The following EPS8 variants were observed in gnomAD, a reference collection of about 807,000 sequenced individuals.
EPS8 encodes the protein epidermal growth factor receptor kinase substrate 8.
EPS8 carries 42 observed loss-of-function variants against 103.8 expected under a neutral mutation model. The observed-to-expected ratio is 0.40, with a 90% CI of 0.32 to 0.52. EPS8 has a LOEUF of 0.52. Among genes scored for constraint, EPS8 ranks in the 20% least tolerant of loss-of-function variants. The pLI is 0.40. For missense variants in EPS8, 969 were observed against 1,005.1 expected, an observed-to-expected ratio of 0.96 and a Z score of 0.49; for synonymous variants, 344 against 344.6, an observed-to-expected ratio of 1.00 and a Z score of 0.02.
At position 15,731,556 on chromosome 12, in the gene EPS8, C is replaced by G. The variant is rs949447737; in HGVS notation, c.-21-48584G>C. Among the ~76,000 whole-genome samples the G allele has an allele frequency of 6.6e-6, 1 of 152,148 alleles. No individual in the cohort carries two copies. Among genetic ancestry groups the G allele is most frequent in the Non-Finnish European group, 1.5e-5 (1 of 68,024 alleles). ...CAGGTGATCCACCCACCTTGGCATC[C>G]CAAAGTGCTGGGATTATAGGCATGA... is the stretch of plus-strand genomic sequence containing the variant. On this transcript the variant is annotated intron_variant, in intron 1 of 20. Transcript: ENST00000281172. This position sits in a 1 kb window ranked among gnomAD's most constrained non-coding sequence, Gnocchi z 5.1.
intron 3 of EPS8, among the ~76,000 whole-genome samples, chr12:15,672,716 T>C (rs1325727938): frequency 6.6e-6 from 1 of 152,238 alleles, no homozygotes; most frequent in Non-Finnish European, 1.5e-5. Flanking sequence ...GTTATGACTC[T>C]TGTAATACAA....
chr12:15,643,481 C>T (rs577907617), intron 15 of EPS8, among the ~76,000 whole-genome samples: 9 of 151,998 alleles, frequency 5.9e-5, no homozygotes, highest in African/African-American at 2.2e-4. Context: ...GGTTCATGCC[C>T]GTAATCCTAG....
Position 15,757,464 on chromosome 12 carries a change from A to G in EPS8, c.-22+31697T>C, listed in dbSNP as rs1946997948. On this transcript the variant is annotated intron_variant, in intron 1 of 20. Transcript: ENST00000281172. This position sits in a 1 kb window ranked among gnomAD's most constrained non-coding sequence, Gnocchi z 4.1. ...GCCAACACGGTGAAACCTCATCTCT[A>G]CTAAAAAATACAAAAATTAGCTAGG... Among the ~76,000 whole-genome samples the G allele has an allele frequency of 6.6e-6, 1 of 152,078 alleles. No homozygotes were observed. The highest frequency in any genetic ancestry group is 1.5e-5 in the Non-Finnish European group (1 of 68,022).
At chr12:15,741,856 T>C (rs928780157) in intron 1 of EPS8, among the ~76,000 whole-genome samples, 7 of 152,136 alleles carry the variant, frequency 4.6e-5, no homozygotes, top group African/African-American at 1.7e-4. Flanking sequence ...ATGCTATCCC[T>C]CGCCCCTTCC....
intron 17 of EPS8, among the ~76,000 whole-genome samples, chr12:15,636,297 A>C (rs573486094): frequency 6.8e-4 from 104 of 151,900 alleles, no homozygotes; most frequent in African/African-American, 2.5e-3. Context: ...ATCTCTCCTC[A>C]GCATTTACTT....
chr12:15,631,319 A>C (rs1945041012), intron 18 of EPS8, 123 bp downstream of exon 18: 2 of 1,362,726 alleles, frequency 1.5e-6, no homozygotes, highest in African/African-American at 2.9e-5. Flanking sequence ...AATCTTTGCA[A>C]TCTATTAAGT....
At position 15,706,064 on chromosome 12, in the gene EPS8, A is replaced by G. The variant is rs192018111; in HGVS notation, c.-21-23092T>C. Among the ~76,000 whole-genome samples, 45 of 151,984 alleles carry G rather than the reference A, an allele frequency of 3.0e-4. No homozygotes were observed. The highest frequency in any genetic ancestry group is 5.3e-4 in the Non-Finnish European group (36 of 67,970). On this transcript the variant is annotated intron_variant, in intron 1 of 20. Transcript: ENST00000281172. The surrounding 1 kb of genome is among the most constrained non-coding windows in gnomAD (Gnocchi z 5.2). ...AACATTCAAGAATGACCCTGAATCT[A>G]TTTTCTTTCCTTCTGTCTCCAAATC...
At chr12:15,629,391 C>A (rs894846147) in intron 18 of EPS8, among the ~76,000 whole-genome samples, 1 of 152,016 alleles carries the variant, frequency 6.6e-6, no homozygotes, top group African/African-American at 2.4e-5. Context: ...GACGTCTCTA[C>A]GGAGGGAAAT....
intron 2 of EPS8, among the ~76,000 whole-genome samples, chr12:15,682,326 AT>A (rs1036292868): frequency 1.4e-4 from 21 of 152,254 alleles, no homozygotes; most frequent in African/African-American, 5.1e-4. Context: ...TGAAAAAATG[AT>A]GAGTAAAATA....
rs1333708404 is a variant in EPS8, at chr12:15,693,126, T to C, written c.-21-10154A>G. Reference sequence around the variant, plus strand: ...GGGCTTGTGAACAAGTGGGCTTCACTGCACAGAAGTCCTGCTGGCAGACCC... The same window carrying C: ...GGGCTTGTGAACAAGTGGGCTTCACCGCACAGAAGTCCTGCTGGCAGACCC... On this transcript the variant is annotated intron_variant, in intron 1 of 20. Coordinates refer to ENST00000281172, the MANE Select transcript of EPS8 (RefSeq NM_004447.6). This position sits in a 1 kb window ranked among gnomAD's most constrained non-coding sequence, Gnocchi z 5.6. Among the ~76,000 whole-genome samples the C allele has an allele frequency of 9.2e-5, 14 of 152,190 alleles. No individual in the cohort carries two copies. The highest frequency in any genetic ancestry group is 3.4e-4 in the African/African-American group (14 of 41,452).
intron 17 of EPS8, 79 bp from the exon 18 acceptor site, chr12:15,631,743 A>G (rs1945051089): frequency 1.1e-5 from 12 of 1,125,672 alleles, no homozygotes; most frequent in Non-Finnish European, 1.5e-5. Flanking sequence ...CTTTGATAGG[A>G]CATTGTTGGC....
intron 1 of EPS8, among the ~76,000 whole-genome samples, chr12:15,686,909 T>C (rs1043321105): frequency 1.3e-5 from 2 of 152,266 alleles, no homozygotes; most frequent in South Asian, 4.1e-4. Context: ...GATTTTTTTA[T>C]CTACAGAAGT....
chr12:15,712,986 G>A lies in EPS8; in HGVS notation c.-21-30014C>T, dbSNP rs367614518. ...GGGTGGGACTCTAAGCGTCAGTTTC[G>A]GCATTGTACTGTACCAAACAAAATT... On this transcript the variant is annotated intron_variant, in intron 1 of 20. Coordinates refer to ENST00000281172, the MANE Select transcript of EPS8 (RefSeq NM_004447.6). The A allele has an allele frequency of 5.4e-5, 53 of 985,200 alleles. No homozygotes were observed. The African/African-American group carries it at 8.7e-4, about 16-fold the overall frequency. 61.0% of individuals were successfully genotyped at this position (985,200 alleles called of 1,614,324 possible).
intron 8 of EPS8, among the ~76,000 whole-genome samples, chr12:15,664,302 C>T (rs180763929): frequency 6.6e-6 from 1 of 151,658 alleles, no homozygotes; most frequent in African/African-American, 2.4e-5. Context: ...TAAATAAATG[C>T]ATCAAAGAAT....
intron 7 of EPS8, among the ~76,000 whole-genome samples, 189 bp downstream of exon 7, chr12:15,666,251 C>T (rs1945707367): frequency 1.3e-5 from 2 of 152,102 alleles, no homozygotes; most frequent in Non-Finnish European, 2.9e-5. Flanking sequence ...CAGAGAAAGA[C>T]CAAAAATATG....
chr12:15,703,911 C>T (rs1565509005), intron 1 of EPS8, among the ~76,000 whole-genome samples: 1 of 123,982 alleles, frequency 8.1e-6, no homozygotes, highest in Non-Finnish European at 1.6e-5. Flanking sequence ...CCTAATGTCT[C>T]CAAACTCCGT....
At chr12:15,641,662 A>G (rs1591812242) in intron 16 of EPS8, 60 bp downstream of exon 16, 1 of 763,902 alleles carries the variant, frequency 1.3e-6, no homozygotes, top group African/African-American at 1.8e-5. Context: ...GTTATATACC[A>G]AAAGAGTAAT....
rs557807263 is a variant in EPS8, at chr12:15,749,482, T to C, written c.-22+39679A>G. Among the ~76,000 whole-genome samples the C allele has an allele frequency of 1.1e-3, 162 of 152,314 alleles. 1 individual carries two copies. Among genetic ancestry groups the C allele is most frequent in the African/African-American group, 3.6e-3 (149 of 41,554 alleles). On this transcript the variant is annotated intron_variant, in intron 1 of 20. Transcript: ENST00000281172. The surrounding 1 kb of genome is among the most constrained non-coding windows in gnomAD (Gnocchi z 4.0). ...CTAATGAATAAATCATTTATTGTAA[T>C]TTGTTTCCAAGATATATGTTCAGTC...
Position 15,660,732 on chromosome 12 carries a change from T to A in EPS8, c.819A>T (p.Leu273Phe). 2 of 1,581,684 alleles carry A rather than the reference T, an allele frequency of 1.3e-6. No homozygotes were observed. The highest frequency in any genetic ancestry group is 1.7e-6 in the Non-Finnish European group (2 of 1,155,104). Residue 273 changes from leucine to phenylalanine, a missense_variant, in exon 10 of 21, where the codon TTA becomes TTT. Leu to Phe is a conservative substitution (Grantham distance 22). Coordinates refer to ENST00000281172, the MANE Select transcript of EPS8 (RefSeq NM_004447.6). Reference protein sequence around the residue: ...AARIDRDVQILNHILDDIEFF... With the variant: ...AARIDRDVQIFNHILDDIEFF... ...ATTCAATGTCATCCAAAATGTGGTT[T>A]AAGATTTGCTGAAATTAGAAATTAT... is the stretch of plus-strand genomic sequence containing the variant.
Sources: allele counts gnomAD v4.1 joint callset (sites outside exome capture counted in the v4.1 genomes callset), GRCh38; gene constraint gnomAD v4.1.1; non-coding constraint Gnocchi (gnomAD v3.1); transcripts MANE v1.5; gene names NCBI Gene and HGNC (gene_info 2026-07-23, HGNC 2026-07-21).